Variants in DGKH observed in about 807,000 individuals in gnomAD.
DGKH encodes DAG kinase eta.
DGKH carries 90 observed loss-of-function variants against 159.3 expected under a neutral mutation model. The ratio of observed to expected loss-of-function variants is 0.57; its 90% CI spans 0.48 to 0.67. The LOEUF (loss-of-function observed/expected upper bound fraction) is 0.67, where lower values mean the gene tolerates loss of function less well. DGKH is among the 30% of genes least tolerant of loss of function. DGKH has a pLI of 0.00. For synonymous variants in DGKH, 536 were observed against 553.8 expected, an observed-to-expected ratio of 0.97 and a Z score of 0.45; for missense variants, 1,181 against 1,506.1, an observed-to-expected ratio of 0.78 and a Z score of 3.57.
intron 1 of DGKH, among the ~76,000 whole-genome samples, chr13:42,108,290 C>A (rs1050947254): frequency 6.6e-6 from 1 of 152,058 alleles, no homozygotes; most frequent in Non-Finnish European, 1.5e-5. Flanking sequence ...TTTTGATTGG[C>A]AGATTAATTT....
intron 1 of DGKH, among the ~76,000 whole-genome samples, chr13:42,121,625 C>T (rs1955073708): frequency 1.3e-5 from 2 of 152,218 alleles, no homozygotes; most frequent in Non-Finnish European, 2.9e-5. Flanking sequence ...TTGCCTGTGA[C>T]CTTCCTGTTC....
chr13:42,224,761 G>A, intron 29 of DGKH, among the ~76,000 whole-genome samples: 1 of 152,030 alleles, frequency 6.6e-6, no homozygotes, highest in East Asian at 1.9e-4. Flanking sequence ...CCTTGGGGAT[G>A]TACTCTCTTT....
At chr13:42,145,693 A>G (rs527634225) in intron 3 of DGKH, among the ~76,000 whole-genome samples, 2 of 152,314 alleles carry the variant, frequency 1.3e-5, no homozygotes, top group African/African-American at 4.8e-5. Flanking sequence ...GGCAATGCCT[A>G]GTGATGTAGT....
In DGKH at chr13:42,198,579, C is replaced by A. The variant is rs746180607; in HGVS notation, c.2269C>A (p.Pro757Thr). The change falls in exon 18 of 30, where the codon CCG (proline) becomes ACG (threonine). Residue 757 changes from proline to threonine, a missense_variant. Pro to Thr is a conservative substitution (Grantham distance 38). Around this residue, in one of 5 missense-constraint regions of DGKH, gnomAD observed 335 missense variants for 495.2 expected, o/e 0.68. Transcript: ENST00000337343. Reference sequence around the variant, plus strand: ...TTTTGGTGCCACGCCGTTTATTGACCCGGATCTAGATTCCGTGTAAGAAAA... The same window carrying A: ...TTTTGGTGCCACGCCGTTTATTGACACGGATCTAGATTCCGTGTAAGAAAA... The part of the protein sequence containing the change: ...DPFGATPFID[P>T]DLDSVDGYSE... 1 of 1,612,460 alleles carries A rather than the reference C, an allele frequency of 6.2e-7. No homozygotes were observed. The highest frequency in any genetic ancestry group is 2.2e-5 in the East Asian group (1 of 44,846).
At chr13:42,092,459 T>C (rs951054562) in intron 1 of DGKH, among the ~76,000 whole-genome samples, 2 of 152,148 alleles carry the variant, frequency 1.3e-5, no homozygotes, top group African/African-American at 4.8e-5. Flanking sequence ...TGGATGGAAC[T>C]GGAGGTCATT....
intron 29 of DGKH, among the ~76,000 whole-genome samples, chr13:42,225,555 A>G (rs1958101916): frequency 6.6e-6 from 1 of 152,026 alleles, no homozygotes; most frequent in Admixed American, 6.6e-5. Flanking sequence ...CAGGTGGATC[A>G]TGAGGTCAAG....
At chr13:42,094,417 A>G (rs1412158651) in intron 1 of DGKH, among the ~76,000 whole-genome samples, 1 of 152,178 alleles carries the variant, frequency 6.6e-6, no homozygotes, top group African/African-American at 2.4e-5. Flanking sequence ...TTTTTCAATC[A>G]TAAATTAGAG....
At chr13:42,243,284 T>A (rs1958549172), downstream of DGKH, among the ~76,000 whole-genome samples, 1 of 152,236 alleles carries the variant, frequency 6.6e-6, no homozygotes, top group African/African-American at 2.4e-5. Flanking sequence ...TTTTTTTCAC[T>A]TTAGAATAAT....
intron 1 of DGKH, chr13:42,068,809 G>A: frequency 2.3e-6 from 1 of 441,928 alleles, no homozygotes; most frequent in Non-Finnish European, 3.9e-6. Flanking sequence ...TAAAAACCAA[G>A]TACTCATAAA....
intron 1 of DGKH, chr13:42,068,941 A>G: frequency 7.1e-7 from 1 of 1,416,276 alleles, no homozygotes; most frequent in Non-Finnish European, 9.8e-7. Flanking sequence ...TTTAGTTCAG[A>G]TGTTCAGAAT....
downstream of DGKH, among the ~76,000 whole-genome samples, chr13:42,244,079 C>A (rs913848198): frequency 2.6e-5 from 4 of 152,072 alleles, no homozygotes; most frequent in Admixed American, 6.6e-5. Flanking sequence ...ATAACAAATC[C>A]CAGGTTTCTG....
intron 15 of DGKH, among the ~76,000 whole-genome samples, chr13:42,189,635 G>T (rs1957015800): frequency 6.6e-6 from 1 of 152,032 alleles, no homozygotes; most frequent in South Asian, 2.1e-4. Context: ...AATTCTTAAA[G>T]AAAATAAAAC....
At position 42,231,452 on chromosome 13, in the gene DGKH, C is replaced by A. The variant is rs238349; in HGVS notation, c.*2264C>A. On this transcript the variant is annotated 3_prime_UTR_variant, in exon 30 of 30. Coordinates refer to ENST00000337343, the MANE Select transcript of DGKH (RefSeq NM_178009.5). Reference sequence around the variant, plus strand: ...CTCCTTTTTCAGTCCCTCTGATAGTCCCACCTAAGTGCTGTCCTGCTCCTG... The same window carrying A: ...CTCCTTTTTCAGTCCCTCTGATAGTACCACCTAAGTGCTGTCCTGCTCCTG... The A allele has an allele frequency of 0.49, 74,600 of 151,892 alleles. 18,564 individuals carry two copies. The highest frequency in any genetic ancestry group is 0.66 in the East Asian group (3,398 of 5,166). 9.4% of individuals were successfully genotyped at this position (151,892 alleles called of 1,614,324 possible).
Position 42,120,205 on chromosome 13 carries a change from A to G in DGKH, c.193-7258A>G, listed in dbSNP as rs186066666. On this transcript the variant is annotated intron_variant, in intron 1 of 29. Coordinates refer to ENST00000337343, the MANE Select transcript of DGKH (RefSeq NM_178009.5). ...GTTACCCAGAGGTTCCACATCTCCA[A>G]TCTTGGTTTGAAAATAAACTAGGAC... Among the ~76,000 whole-genome samples the G allele has an allele frequency of 1.3e-3, 204 of 152,302 alleles. 1 individual carries two copies. The highest frequency in any genetic ancestry group is 1.2e-3 in the East Asian group (6 of 5,190).
intron 23 of DGKH, among the ~76,000 whole-genome samples, chr13:42,210,398 T>TTTA (rs1048467992): frequency 6.6e-6 from 1 of 152,306 alleles, no homozygotes; most frequent in African/African-American, 2.4e-5. Flanking sequence ...TTTTTTAACT[T>TTTA]TTAAATGATG....
rs1958397667 is a variant in DGKH at position 42,235,625 on chromosome 13, A to G, written c.*6437A>G. On this transcript the variant is annotated 3_prime_UTR_variant, in exon 30 of 30. Coordinates refer to ENST00000337343, the MANE Select transcript of DGKH (RefSeq NM_178009.5). ...TAGCCGTATCTATTTCTGTATACCA[A>G]GTATTAAGCTGATATGTAGCTAAAT... 1.3e-5 allele frequency: 2 copies of G among 152,158 alleles called. No individual in the cohort carries two copies. 9.4% of individuals were successfully genotyped at this position (152,158 alleles called of 1,614,324 possible).
intron 1 of DGKH, among the ~76,000 whole-genome samples, chr13:42,112,417 G>T (rs986590684): frequency 2.6e-4 from 40 of 152,204 alleles, no homozygotes; most frequent in African/African-American, 9.6e-4. Context: ...GAGTAGGTGG[G>T]ACTACAAGAG....
At chr13:42,080,854 G>T (rs1347821431) in intron 1 of DGKH, among the ~76,000 whole-genome samples, 1 of 151,772 alleles carries the variant, frequency 6.6e-6, no homozygotes, top group South Asian at 2.1e-4. Flanking sequence ...CTTTTTATAA[G>T]ATTTTATTTG....
chr13:42,058,458 A>G (rs1380879466), intron 1 of DGKH, among the ~76,000 whole-genome samples: 1 of 150,770 alleles, frequency 6.6e-6, no homozygotes, highest in Non-Finnish European at 1.5e-5. Context: ...TGTCATTTTC[A>G]TTTGGAGAAA....
Sources: allele counts gnomAD v4.1 joint callset (sites outside exome capture counted in the v4.1 genomes callset), GRCh38; gene constraint gnomAD v4.1.1; regional missense constraint gnomAD v4.1.1; transcripts MANE v1.5; gene names NCBI Gene and HGNC (gene_info 2026-07-23, HGNC 2026-07-21).